Variants in RPS3 observed in about 807,000 individuals in gnomAD.
RPS3 encodes ribosomal protein S3.
Under a neutral mutation model 25.8 loss-of-function variants are expected in RPS3, and 2 were observed. The observed-to-expected ratio is 0.08, with a 90% CI of 0.03 to 0.24. The LOEUF (loss-of-function observed/expected upper bound fraction) is 0.24, where lower values mean the gene tolerates loss of function less well. Ranked by LOEUF, RPS3 falls within the 10% of genes least tolerant of loss-of-function variation. The pLI, the probability that RPS3 is intolerant of heterozygous loss-of-function variation, is 1.00. For synonymous variants in RPS3, 114 were observed against 114.2 expected (o/e 1.00, Z 0.01); for missense variants, 107 against 307.1 (o/e 0.35, Z 4.87).
At position 75,406,037 on chromosome 11, in the gene RPS3, C is replaced by T. The variant is rs1298876632; in HGVS notation, c.*427C>T. On this transcript the variant is annotated 3_prime_UTR_variant, in exon 7 of 7. Coordinates refer to ENST00000531188, the MANE Select transcript of RPS3 (RefSeq NM_001005.5). ...GCTCTAAGTGTTCTTTACATATGTA[C>T]TCGTTAATCAACCTCTCTAAAGTGT... 1 of 156,892 alleles carries T rather than the reference C, an allele frequency of 6.4e-6. No homozygotes were observed. The highest frequency in any genetic ancestry group is 2.4e-5 in the African/African-American group (1 of 41,516). The allele number at this position is 156,892 out of a possible 1,614,324, so 9.7% of individuals were successfully genotyped here.
downstream of RPS3, among the ~76,000 whole-genome samples, chr11:75,410,886 T>C (rs1948351823): frequency 6.6e-6 from 1 of 152,168 alleles, no homozygotes; most frequent in South Asian, 2.1e-4. Context: ...CTCTATTTTT[T>C]ATTATTTTTT....
At chr11:75,400,210 A>C (rs999469591) in intron 1 of RPS3, among the ~76,000 whole-genome samples, 4 of 152,230 alleles carry the variant, frequency 2.6e-5, no homozygotes, top group African/African-American at 9.6e-5. Context: ...CCGTAAAGCC[A>C]AATAACATGG....
chr11:75,405,730 A>G lies in RPS3; in HGVS notation c.*120A>G, dbSNP rs776321527. The G allele has an allele frequency of 9.0e-6, 4 of 445,136 alleles. No homozygotes were observed. Among genetic ancestry groups the G allele is most frequent in the African/African-American group, 6.1e-5 (3 of 49,448 alleles). The allele number at this position is 445,136 out of a possible 1,614,324, so 27.6% of individuals were successfully genotyped here. On this transcript the variant is annotated 3_prime_UTR_variant, in exon 7 of 7. Transcript: ENST00000531188. ...CTGTTCAGTATTCAGACTGAGGGGC[A>G]TGTTGGCCTCTGGAGCATTACATAT... is the stretch of plus-strand genomic sequence containing the variant.
At chr11:75,414,701 A>G (rs1948382892) in intron 6 of RPS3, among the ~76,000 whole-genome samples, 1 of 152,218 alleles carries the variant, frequency 6.6e-6, no homozygotes, top group Admixed American at 6.5e-5. Flanking sequence ...CTGCTGACAG[A>G]CTGGGAGCTG....
At chr11:75,407,771 A>G (rs1312468122), downstream of RPS3, among the ~76,000 whole-genome samples, 2 of 152,176 alleles carry the variant, frequency 1.3e-5, no homozygotes, top group Admixed American at 6.5e-5. Context: ...CTGGCCAAAC[A>G]TCTGCAGATT....
chr11:75,406,605 TGAC>T lies in RPS3; in HGVS notation c.*996_*998del, dbSNP rs1346856436. 2.6e-5 allele frequency: 4 copies of T among 152,214 alleles called. No homozygotes were observed. Among genetic ancestry groups the T allele is most frequent in the African/African-American group, 9.7e-5 (4 of 41,446 alleles). The allele number at this position is 152,214 out of a possible 1,614,324, so 9.4% of individuals were successfully genotyped here. On this transcript the variant is annotated 3_prime_UTR_variant, in exon 7 of 7. Transcript: ENST00000531188. ...TGAGGTAATTATGTAGGGCGTACAC[TGAC>T]AAGTATCTGACCCCCCCTTCCTTTT...
intron 1 of RPS3, chr11:75,399,934 T>G: frequency 2.6e-6 from 1 of 379,592 alleles, no homozygotes; most frequent in South Asian, 3.3e-5. Flanking sequence ...AAGGCAGCAG[T>G]GTATTCTTGC....
At chr11:75,420,245 A>G (rs529555858) in intron 6 of RPS3, among the ~76,000 whole-genome samples, 24 of 152,290 alleles carry the variant, frequency 1.6e-4, no homozygotes, top group African/African-American at 5.8e-4. Context: ...GGTTTAACCA[A>G]TAGTCCTAGG....
chr11:75,409,425 A>G (rs1222752228), downstream of RPS3, among the ~76,000 whole-genome samples: 1 of 133,718 alleles, frequency 7.5e-6, no homozygotes, highest in African/African-American at 2.8e-5. Context: ...TGTTTAACAA[A>G]GCACATCTTG....
chr11:75,400,401 G>A, intron 1 of RPS3: 1 of 545,326 alleles, frequency 1.8e-6, no homozygotes, highest in Non-Finnish European at 3.6e-6. Flanking sequence ...CTTCGATGAA[G>A]AGATGATGAC....
At chr11:75,402,567 T>TA in intron 4 of RPS3, 121 bp downstream of exon 4, 1 of 1,025,086 alleles carries the variant, frequency 9.8e-7, no homozygotes, top group Non-Finnish European at 1.4e-6. Context: ...CTCCCAGGGT[T>TA]ATAATAAGAT....
Position 75,406,137 on chromosome 11 carries a change from A to G in RPS3, c.*527A>G, listed in dbSNP as rs1948285308. The stretch of plus-strand genomic sequence containing the variant: ...TTTGCCTAAGCAGTATAAAGCTATC[A>G]TTAGAATCCACATTCCTAAGTTGTG... On this transcript the variant is annotated 3_prime_UTR_variant, in exon 7 of 7. Coordinates refer to ENST00000531188, the MANE Select transcript of RPS3 (RefSeq NM_001005.5). 1.3e-5 allele frequency: 2 copies of G among 152,836 alleles called. No homozygotes were observed. Among genetic ancestry groups the G allele is most frequent in the South Asian group, 4.1e-4 (2 of 4,848 alleles). The allele number at this position is 152,836 out of a possible 1,614,324, so 9.5% of individuals were successfully genotyped here.
At chr11:75,401,108 T>G (rs1948203727) in intron 2 of RPS3, among the ~76,000 whole-genome samples, 1 of 152,166 alleles carries the variant, frequency 6.6e-6, no homozygotes, top group Non-Finnish European at 1.5e-5. Flanking sequence ...GGTCTGGATC[T>G]CCTGACCTCG....
At chr11:75,407,502 C>A (rs760896354), downstream of RPS3, among the ~76,000 whole-genome samples, 1 of 151,888 alleles carries the variant, frequency 6.6e-6, no homozygotes. Context: ...GACGGAGTCT[C>A]GCTCTGTCAC....
chr11:75,399,619 G>A (rs570846657), intron 1 of RPS3, 42 bp downstream of exon 1: 4 of 1,592,544 alleles, frequency 2.5e-6, no homozygotes, highest in South Asian at 1.1e-5. Context: ...ACGGCGCCGC[G>A]CGGGTCGAGG....
intron 6 of RPS3, chr11:75,421,719 T>C (rs1284999553): frequency 1.3e-5 from 2 of 152,222 alleles, no homozygotes; most frequent in African/African-American, 2.4e-5. Context: ...GTTTTTGTTT[T>C]GTTTCAGCCT....
chr11:75,403,014 G>A (rs1405277305), intron 4 of RPS3: 1 of 152,164 alleles, frequency 6.6e-6, no homozygotes, highest in Non-Finnish European at 1.5e-5. Context: ...TAATGTGAGG[G>A]TCTACTGGTA....
chr11:75,409,254 A>G (rs1231477058), downstream of RPS3, among the ~76,000 whole-genome samples: 3 of 145,228 alleles, frequency 2.1e-5, no homozygotes, highest in Middle Eastern at 3.6e-3. Context: ...GCAGGGTCAT[A>G]GGACAATAGT....
At chr11:75,399,890 T>A in intron 1 of RPS3, 1 of 492,566 alleles carries the variant, frequency 2.0e-6, no homozygotes, top group Non-Finnish European at 3.6e-6. Flanking sequence ...GTGTGTCATT[T>A]CCCTCATGTC....
Sources: gnomAD v4.1 joint callset for allele counts (sites outside exome capture counted in the v4.1 genomes callset) on GRCh38, gnomAD v4.1.1 for gene constraint, MANE v1.5 for transcripts, NCBI Gene and HGNC (gene_info 2026-07-23, HGNC 2026-07-21) for gene names.